Variants in TMEM165 observed in about 807,000 individuals in gnomAD.
The protein encoded by TMEM165 is transmembrane protein 165.
TMEM165 carries 19 observed loss-of-function variants against 30.0 expected under a neutral mutation model. The ratio of observed to expected loss-of-function variants is 0.63; its 90% CI spans 0.44 to 0.93. The LOEUF is 0.93. Among genes scored for constraint, TMEM165 ranks in the 40% least tolerant of loss-of-function variants. TMEM165 has a pLI of 0.00. For missense variants in TMEM165, 340 were observed against 417.0 expected (o/e 0.82, Z 1.61); for synonymous variants, 168 against 162.9 (o/e 1.03, Z -0.24).
intron 3 of TMEM165, among the ~76,000 whole-genome samples, chr4:55,439,759 A>G (rs1723196380): frequency 6.6e-6 from 1 of 152,218 alleles, no homozygotes; most frequent in South Asian, 2.1e-4. Context: ...CATTCACAAA[A>G]GGACAAATAC....
intron 1 of TMEM165, among the ~76,000 whole-genome samples, chr4:55,405,894 C>G (rs7663749): frequency 0.043 from 6,525 of 152,302 alleles, 482 homozygotes; most frequent in African/African-American, 0.15. Context: ...CCCAGTTTAT[C>G]TTTCTCATCT....
Position 55,396,406 on chromosome 4 carries a change from C to T in TMEM165, c.207+10C>T, listed in dbSNP as rs1423248588. 4 of 1,462,648 alleles carry T rather than the reference C, an allele frequency of 2.7e-6. No individual in the cohort carries two copies. Among genetic ancestry groups the T allele is most frequent in the Non-Finnish European group, 3.6e-6 (4 of 1,114,632 alleles). 90.6% of individuals were successfully genotyped at this position (1,462,648 alleles called of 1,614,324 possible). ...GCCGGCCCGGGTCGAGGTGAGCGGG[C>T]CGGGATGGGGCGAGCGAGGCTGCAG... On this transcript the variant is annotated intron_variant, in intron 1 of 5. Coordinates refer to ENST00000381334, the MANE Select transcript of TMEM165 (RefSeq NM_018475.5).
chr4:55,399,222 G>C (rs1389375492), intron 1 of TMEM165: 1 of 152,202 alleles, frequency 6.6e-6, no homozygotes, highest in African/African-American at 2.4e-5. Flanking sequence ...TGTGAAGCCA[G>C]GGTCTTTAGT....
chr4:55,417,088 C>T lies in TMEM165; in HGVS notation c.450C>T (p.Ala150=). 6.2e-7 allele frequency: 1 copy of T among 1,600,792 alleles called. No individual in the cohort carries two copies. Among genetic ancestry groups the T allele is most frequent in the South Asian group, 1.1e-5 (1 of 88,156 alleles). The part of the protein sequence containing the change: ...MTCLSVLFGY[A]TTVIPRVYTY... ...TTTTTCCAGTTTTGTTTGGCTATGC[C>T]ACCACAGTCATCCCCAGGGTCTATA... Residue 150 remains alanine, a synonymous_variant, in exon 3 of 6, where the codon GCC becomes GCT. Transcript: ENST00000381334.
At position 55,411,840 on chromosome 4, in the gene TMEM165, G is replaced by A; in HGVS notation, c.433+1G>A. On this transcript the variant is annotated splice_donor_variant, in intron 2 of 5. Transcript: ENST00000381334. LOFTEE classifies it high-confidence loss of function. ...TTGGGACTAATGACATGCTTGTCAG[G>A]TGAGTGTGCTTTTCCCTCTCATGAG... 1 of 1,614,070 alleles carries A rather than the reference G, an allele frequency of 6.2e-7. No homozygotes were observed. The highest frequency in any genetic ancestry group is 8.5e-7 in the Non-Finnish European group (1 of 1,179,934).
chr4:55,424,390 T>C, intron 4 of TMEM165, 148 bp from the exon 5 acceptor site: 1 of 593,908 alleles, frequency 1.7e-6, no homozygotes, highest in South Asian at 2.2e-5. Flanking sequence ...CCATTACACC[T>C]CTCATAAATT....
intron 3 of TMEM165, among the ~76,000 whole-genome samples, chr4:55,448,593 CACGCGCGCGTGTGTGTGTGTGT>C (rs1364798849): frequency 6.2e-5 from 4 of 64,930 alleles, no homozygotes; most frequent in African/African-American, 2.0e-4. Context: ...TGCGCGCGCG[CACGCGCGCGTGTGTGTGTGTGT>C]GTGTGTGTGT....
At chr4:55,429,262 A>G (rs1722366654), downstream of TMEM165, 2 of 152,330 alleles carry the variant, frequency 1.3e-5, no homozygotes, top group Admixed American at 1.3e-4. Context: ...GAGTTAAGAA[A>G]TATTTTTTAG....
Position 55,417,231 on chromosome 4 carries a change from A to G in TMEM165, c.593A>G (p.Lys198Arg). 2 of 1,612,148 alleles carry G rather than the reference A, an allele frequency of 1.2e-6. No homozygotes were observed. Among genetic ancestry groups the G allele is most frequent in the Non-Finnish European group, 8.5e-7 (1 of 1,179,532 alleles). The change falls in exon 3 of 6, where the codon AAG (lysine) becomes AGG (arginine). Residue 198 changes from lysine to arginine, a missense_variant. This residue lies in a region of TMEM165 where 220 missense variants were observed against 307.6 expected (regional missense o/e 0.72). Transcript: ENST00000381334. ...EELEEVQAEL[K>R]KKDEEFQRTK... is the part of the protein sequence containing the mutation. ...CTGGAAGAAGTTCAAGCTGAATTAA[A>G]GAAGAAAGATGAAGAAGTAAGCCAT...
At chr4:55,435,585 A>T (rs1325939562) in intron 3 of TMEM165, 1 of 1,613,864 alleles carries the variant, frequency 6.2e-7, no homozygotes, top group Admixed American at 1.7e-5. Context: ...CCATGGAGCA[A>T]CCTAGAAGTC....
intron 3 of TMEM165, chr4:55,450,264 T>G: frequency 6.2e-7 from 1 of 1,613,410 alleles, no homozygotes; most frequent in Non-Finnish European, 8.5e-7. Context: ...AATGTTTTCT[T>G]GTGGTTCAGT....
intron 1 of TMEM165, among the ~76,000 whole-genome samples, chr4:55,400,187 AAT>A (rs1351982098): frequency 9.6e-6 from 1 of 104,646 alleles, no homozygotes; most frequent in South Asian, 2.5e-4. Context: ...TATAAAAAAT[AAT>A]ATATAAATAT....
intron 1 of TMEM165, among the ~76,000 whole-genome samples, chr4:55,400,405 TTAATATATTTATATTAAAATATAAAAATA>T (rs1720948682): frequency 7.8e-6 from 1 of 128,412 alleles, no homozygotes; most frequent in African/African-American, 2.9e-5. Context: ...ATTAATATAA[TTAATATATTTATATTAAAATATAAAAATA>T]TAATATATAT....
At chr4:55,427,903 T>TTGA (rs1214999681), downstream of TMEM165, 2 of 152,246 alleles carry the variant, frequency 1.3e-5, no homozygotes, top group African/African-American at 2.4e-5. Flanking sequence ...GGAAATGTCA[T>TTGA]TGATAGTGAT....
exon 4 of TMEM165, chr4:55,453,028 A>AT (rs750707897): frequency 2.5e-5 from 37 of 1,503,674 alleles, no homozygotes; most frequent in East Asian, 7.2e-5. Context: ...ATTAAAAATA[A>AT]TTTTTTTTAA....
intron 1 of TMEM165, among the ~76,000 whole-genome samples, chr4:55,402,809 T>TTTTTTTTTTTTTTTA (rs1560387581): frequency 7.6e-6 from 1 of 131,924 alleles, no homozygotes; most frequent in Non-Finnish European, 1.6e-5. Flanking sequence ...TTTTTTTTTT[T>TTTTTTTTTTTTTTTA]GAGACGGAGT....
At chr4:55,447,228 G>A (rs539616643) in intron 3 of TMEM165, among the ~76,000 whole-genome samples, 1 of 152,166 alleles carries the variant, frequency 6.6e-6, no homozygotes, top group South Asian at 2.1e-4. Flanking sequence ...CTAGCCGGGT[G>A]TGGTGGCATG....
Position 55,420,558 on chromosome 4 carries a change from C to A in TMEM165, c.792+2573C>A, listed in dbSNP as rs557145688. 2.0e-5 allele frequency among the ~76,000 whole-genome samples: 3 copies of A among 152,182 alleles called. No individual in the cohort carries two copies. In the East Asian group the frequency reaches 5.8e-4, roughly 30 times the overall value. On this transcript the variant is annotated intron_variant, in intron 4 of 5. Transcript: ENST00000381334. ...ACGCAGGGTATCTAGCATGGTCCCC[C>A]ACATGGCACATTCAGTGTTAGCCAC...
intron 3 of TMEM165, among the ~76,000 whole-genome samples, chr4:55,448,616 G>GCA (rs1724140464): frequency 1.5e-5 from 2 of 130,822 alleles, no homozygotes; most frequent in African/African-American, 6.4e-5. Flanking sequence ...GTGTGTGTGT[G>GCA]TGTGTGTGTG....
Sources: allele counts gnomAD v4.1 joint callset (sites outside exome capture counted in the v4.1 genomes callset), GRCh38; gene constraint gnomAD v4.1.1; regional missense constraint gnomAD v4.1.1; transcripts MANE v1.5; gene names NCBI Gene and HGNC (gene_info 2026-07-23, HGNC 2026-07-21).